PHAF1: variants seen among roughly 807,000 people sequenced by gnomAD.
PHAF1 encodes the protein phagosome assembly factor 1.
PHAF1 carries 23 observed loss-of-function variants against 63.1 expected under a neutral mutation model. That is an observed-to-expected ratio of 0.36 (90% CI 0.26 to 0.52). PHAF1 has a LOEUF of 0.52. PHAF1 is among the 20% of genes least tolerant of loss of function. The pLI, the probability that PHAF1 is intolerant of heterozygous loss-of-function variation, is 0.93. For synonymous variants in PHAF1, 167 were observed against 185.0 expected, an observed-to-expected ratio of 0.90 and a Z score of 0.79; for missense variants, 427 against 517.2, an observed-to-expected ratio of 0.83 and a Z score of 1.69.
chr16:67,111,525 C>T (rs938527068), intron 1 of PHAF1, among the ~76,000 whole-genome samples: 3 of 152,202 alleles, frequency 2.0e-5, no homozygotes, highest in Non-Finnish European at 2.9e-5. Flanking sequence ...TCTGTGGAGA[C>T]AGTGTGTTGG....
intron 10 of PHAF1, among the ~76,000 whole-genome samples, chr16:67,141,831 G>C (rs775461609): frequency 2.0e-5 from 3 of 152,266 alleles, no homozygotes; most frequent in Non-Finnish European, 4.4e-5. Context: ...GGGTGTCACA[G>C]CTCTGGCTCG....
chr16:67,147,728 G>A lies in PHAF1; in HGVS notation c.*597G>A, dbSNP rs2030222682. 6.5e-6 allele frequency: 1 copy of A among 152,834 alleles called. No homozygotes were observed. The highest frequency in any genetic ancestry group is 6.5e-5 in the Admixed American group (1 of 15,276). 9.5% of individuals were successfully genotyped at this position (152,834 alleles called of 1,614,324 possible). ...TGAAACACAGCTTTCTACCATCCAGGTACATGCCCAGGCCTGGTTCTCACC... is the reference window on the plus strand; with the variant it reads ...TGAAACACAGCTTTCTACCATCCAGATACATGCCCAGGCCTGGTTCTCACC... On this transcript the variant is annotated 3_prime_UTR_variant, in exon 16 of 16. Transcript: ENST00000219139.
Position 67,132,295 on chromosome 16 carries a change from A to T in PHAF1, c.276-151A>T, listed in dbSNP as rs1963433712. On this transcript the variant is annotated intron_variant, in intron 4 of 15. Transcript: ENST00000219139. ...TTCTCCTGACCTCATTAATGCTCTT[A>T]TTTAAAAGTTCTCTAATTAAGCTTT... 1.0e-5 allele frequency: 7 copies of T among 684,458 alleles called. 1 individual carries two copies. The highest frequency in any genetic ancestry group is 1.7e-5 in the Non-Finnish European group (7 of 407,384). The allele number at this position is 684,458 out of a possible 1,614,324, so 42.4% of individuals were successfully genotyped here. A position where few individuals can be genotyped will look rare whatever the true frequency, so the allele number is the denominator to read the frequency against.
intron 4 of PHAF1, 110 bp downstream of exon 4, chr16:67,131,439 C>T: frequency 1.2e-6 from 1 of 814,146 alleles, no homozygotes; most frequent in South Asian, 2.0e-5. Flanking sequence ...GAATTATAGC[C>T]TGGTGCCATG....
chr16:67,128,729 G>A (rs1963281146), intron 3 of PHAF1, among the ~76,000 whole-genome samples: 2 of 151,598 alleles, frequency 1.3e-5, no homozygotes, highest in Admixed American at 1.3e-4. Context: ...CAAGCTCCAA[G>A]AGATGAAATC....
intron 8 of PHAF1, among the ~76,000 whole-genome samples, chr16:67,139,076 G>A (rs1172839685): frequency 1.3e-5 from 2 of 151,658 alleles, no homozygotes; most frequent in African/African-American, 2.4e-5. Flanking sequence ...GTGCCACCAC[G>A]CCTGGCTAAT....
At chr16:67,146,478 A>T (rs2030089866) in intron 15 of PHAF1, 128 bp downstream of exon 15, 9 of 977,192 alleles carry the variant, frequency 9.2e-6, no homozygotes, top group Middle Eastern at 5.8e-4. Context: ...CTTCTTCAGC[A>T]ACCGTGTCTG....
chr16:67,130,482 G>A (rs968208895), intron 3 of PHAF1, among the ~76,000 whole-genome samples: 11 of 151,688 alleles, frequency 7.3e-5, no homozygotes, highest in African/African-American at 2.4e-4. Flanking sequence ...CACAGTAGCT[G>A]GGATTACAGG....
chr16:67,130,291 C>T (rs905187491), intron 3 of PHAF1, among the ~76,000 whole-genome samples: 14 of 151,934 alleles, frequency 9.2e-5, no homozygotes, highest in African/African-American at 3.1e-4. Context: ...TTGTGATCCG[C>T]CCGCCTCGGC....
rs562087966 is a variant in PHAF1, at chr16:67,146,434, G to A, written c.1182+84G>A. The A allele has an allele frequency of 7.8e-6, 11 of 1,409,682 alleles. No homozygotes were observed. The South Asian group carries it at 1.0e-4, about 13-fold the overall frequency. The allele number at this position is 1,409,682 out of a possible 1,614,324, so 87.3% of individuals were successfully genotyped here. A position where few individuals can be genotyped will look rare whatever the true frequency, so the allele number is the denominator to read the frequency against. ...CAGGTGAATGATGGAGGGAAATTGG[G>A]GAGGGCATCACTGCCATAGTGGGCA... On this transcript the variant is annotated intron_variant, in intron 15 of 15. Coordinates refer to ENST00000219139, the MANE Select transcript of PHAF1 (RefSeq NM_025187.5).
At chr16:67,121,373 T>G (rs1280518692) in intron 2 of PHAF1, among the ~76,000 whole-genome samples, 1 of 149,454 alleles carries the variant, frequency 6.7e-6, no homozygotes. Context: ...TTTTTTTTTT[T>G]TTGTATTTTT....
At chr16:67,139,931 G>A in intron 8 of PHAF1, 53 bp from the exon 9 acceptor site, 2 of 1,605,658 alleles carry the variant, frequency 1.2e-6, no homozygotes, top group South Asian at 1.1e-5. Flanking sequence ...CCCCCAGAGA[G>A]GGTCTCTGGT....
intron 4 of PHAF1, 38 bp from the exon 5 acceptor site, chr16:67,132,408 T>A (rs768305771): frequency 1.3e-6 from 2 of 1,520,336 alleles, no homozygotes; most frequent in Non-Finnish European, 1.8e-6. Flanking sequence ...GGGCCCATCT[T>A]GTGAAGCCTA....
chr16:67,117,199 ATTTTTTTTT>A (rs750308105), intron 1 of PHAF1, among the ~76,000 whole-genome samples: 2 of 111,980 alleles, frequency 1.8e-5, no homozygotes, highest in African/African-American at 4.0e-5. Flanking sequence ...TGCCCAGCTA[ATTTTTTTTT>A]TTTTTTTTTT....
At chr16:67,110,268 CA>C in intron 1 of PHAF1, 29 bp downstream of exon 1, 1 of 1,550,402 alleles carries the variant, frequency 6.4e-7, no homozygotes, top group Non-Finnish European at 8.7e-7. Flanking sequence ...GTCAGGACCC[CA>C]TTCGCTGATC....
intron 1 of PHAF1, among the ~76,000 whole-genome samples, chr16:67,117,078 G>A (rs1962765258): frequency 6.6e-6 from 1 of 151,776 alleles, no homozygotes; most frequent in Non-Finnish European, 1.5e-5. Flanking sequence ...TGTCGCCAAA[G>A]TTGGAGCGCA....
chr16:67,120,095 G>A lies in PHAF1; in HGVS notation c.65-17G>A. 1 of 1,611,230 alleles carries A rather than the reference G, an allele frequency of 6.2e-7. No homozygotes were observed. Among genetic ancestry groups the A allele is most frequent in the African/African-American group, 1.3e-5 (1 of 75,002 alleles). ...GGATAGCCAAAATAACCACATAGGTGTCTTGCTTTATTTCAGGAATGCCTC... is the reference window on the plus strand; with the variant it reads ...GGATAGCCAAAATAACCACATAGGTATCTTGCTTTATTTCAGGAATGCCTC... On this transcript the variant is annotated splice_polypyrimidine_tract_variant and intron_variant, in intron 1 of 15. Coordinates refer to ENST00000219139, the MANE Select transcript of PHAF1 (RefSeq NM_025187.5).
At chr16:67,114,110 T>G (rs920167717) in intron 1 of PHAF1, among the ~76,000 whole-genome samples, 1 of 152,132 alleles carries the variant, frequency 6.6e-6, no homozygotes, top group Non-Finnish European at 1.5e-5. Flanking sequence ...AAAGGGTCAG[T>G]GAAGAAAATA....
chr16:67,134,420 G>T lies in PHAF1; in HGVS notation c.614G>T (p.Arg205Leu). 2.5e-6 allele frequency: 4 copies of T among 1,614,102 alleles called. No individual in the cohort carries two copies. The highest frequency in any genetic ancestry group is 3.4e-6 in the Non-Finnish European group (4 of 1,180,008). ...NVYAESVDVLRDGTGPAGLRL... is the reference protein window; with the variant it reads ...NVYAESVDVLLDGTGPAGLRL... The stretch of plus-strand genomic sequence containing the variant: ...TATGCTGAGAGTGTAGATGTTCTTC[G>T]AGATGGAACTGGACCTGCAGGTTTA... Residue 205 changes from arginine to leucine, a missense_variant, in exon 8 of 16, where the codon CGA becomes CTA. By Grantham distance (102) the Arg-to-Leu change is moderately radical. Coordinates refer to ENST00000219139, the MANE Select transcript of PHAF1 (RefSeq NM_025187.5).
Sources: gnomAD v4.1 joint callset for allele counts (sites outside exome capture counted in the v4.1 genomes callset) on GRCh38, gnomAD v4.1.1 for gene constraint, MANE v1.5 for transcripts, NCBI Gene and HGNC (gene_info 2026-07-23, HGNC 2026-07-21) for gene names.